The following NLRP5 variants were observed in gnomAD, a reference collection of about 807,000 sequenced individuals.
NLRP5 encodes NLR family pyrin domain containing 5, also known as NACHT, LRR and PYD domains-containing protein 5.
In NLRP5, 93 loss-of-function variants were observed where a neutral mutation model predicts 113.1. The observed-to-expected ratio is 0.82, with a 90% confidence interval of 0.70 to 0.98. The LOEUF (loss-of-function observed/expected upper bound fraction) is 0.98, where lower values mean the gene tolerates loss of function less well. Among genes scored for constraint, NLRP5 ranks in the 50% least tolerant of loss-of-function variants. The pLI, the probability that NLRP5 is intolerant of heterozygous loss-of-function variation, is 0.00. For missense variants in NLRP5, 1,808 were observed against 1,514.3 expected, an observed-to-expected ratio of 1.19 and a Z score of -3.22; for synonymous variants, 751 against 600.7, an observed-to-expected ratio of 1.25 and a Z score of -3.66.
At chr19:56,009,393 G>A (rs1050733414) in intron 3 of NLRP5, among the ~76,000 whole-genome samples, 1 of 142,476 alleles carries the variant, frequency 7.0e-6, no homozygotes, top group Non-Finnish European at 1.5e-5. Context: ...CTTACAACTT[G>A]AGGACTTCCC....
At chr19:56,036,387 C>T (rs764835469) in intron 9 of NLRP5, among the ~76,000 whole-genome samples, 12 of 151,820 alleles carry the variant, frequency 7.9e-5, no homozygotes, top group African/African-American at 2.2e-4. Flanking sequence ...CATTCAATAA[C>T]GACAGATGCT....
intron 13 of NLRP5, among the ~76,000 whole-genome samples, chr19:56,055,806 A>AAG (rs2123343114): frequency 6.6e-6 from 1 of 151,818 alleles, no homozygotes; most frequent in African/African-American, 2.4e-5. Context: ...TGGCCTCCCA[A>AAG]AGTGCTGGGA....
rs376327439 is a variant in NLRP5 at position 56,061,656 on chromosome 19, C to A, written c.*128C>A. On this transcript the variant is annotated 3_prime_UTR_variant, in exon 15 of 15. Transcript: ENST00000390649. ...AGAATGATTTCTGATTCTCACAAAGCCCTCAATGGTAGTGATTCTTCTGTG... is the reference window on the plus strand; with the variant it reads ...AGAATGATTTCTGATTCTCACAAAGACCTCAATGGTAGTGATTCTTCTGTG... 20 of 1,057,898 alleles carry A rather than the reference C, an allele frequency of 1.9e-5. No homozygotes were observed. In the East Asian group the frequency reaches 1.9e-4, roughly 10 times the overall value. 65.5% of individuals were successfully genotyped at this position (1,057,898 alleles called of 1,614,324 possible). A position where few individuals can be genotyped will look rare whatever the true frequency, so the allele number is the denominator to read the frequency against.
intron 13 of NLRP5, 54 bp from the exon 14 acceptor site, chr19:56,058,186 G>A (rs1984226241): frequency 2.2e-6 from 3 of 1,339,526 alleles, no homozygotes; most frequent in Non-Finnish European, 3.1e-6. Flanking sequence ...CGGGTTGAAT[G>A]AAGGGTCCAT....
chr19:55,988,015 C>T, the NLRP5 span: 6 of 883,114 alleles, frequency 6.8e-6, no homozygotes, highest in East Asian at 2.6e-5. Flanking sequence ...CGTACTTTCC[C>T]CTGAAACAGA....
chr19:56,058,543 C>G (rs1984242759), intron 14 of NLRP5, 133 bp downstream of exon 14: 9 of 730,070 alleles, frequency 1.2e-5, no homozygotes, highest in Non-Finnish European at 2.0e-5. Flanking sequence ...TTGGTGAGTG[C>G]CCACTACGTT....
intron 10 of NLRP5, among the ~76,000 whole-genome samples, chr19:56,039,472 C>G (rs16986902): frequency 0.039 from 5,879 of 152,212 alleles, 205 homozygotes; most frequent in East Asian, 0.19. Context: ...AGGGTGACAT[C>G]TGAGCTCTCG....
At chr19:56,004,349 G>C (rs1365595419) in intron 2 of NLRP5, among the ~76,000 whole-genome samples, 1 of 152,112 alleles carries the variant, frequency 6.6e-6, no homozygotes, top group Non-Finnish European at 1.5e-5. Context: ...AATAGGATTT[G>C]GGTTGTAAGT....
Position 56,009,339 on chromosome 19 carries a change from C to CAAAAAAAACAAAAAAAA in NLRP5, c.508+494_508+495insCAAAAAAAAAAAAAAAA, listed in dbSNP as rs1982088338. On this transcript the variant is annotated intron_variant, in intron 3 of 14. Coordinates refer to ENST00000390649, the MANE Select transcript of NLRP5 (RefSeq NM_153447.4). Reference sequence around the variant, plus strand: ...TGGGCGACAGAACGAGACTCCATCTCAAAAAAAAAAAAAAAAAAAAGAGTT... The same window carrying CAAAAAAAACAAAAAAAA: ...TGGGCGACAGAACGAGACTCCATCTCAAAAAAAACAAAAAAAAAAAAAAAAAAAAAAAAAAAAGAGTT... Among the ~76,000 whole-genome samples, 7 of 44,318 alleles carry CAAAAAAAACAAAAAAAA rather than the reference C, an allele frequency of 1.6e-4. 2 individuals are homozygous for CAAAAAAAACAAAAAAAA. The highest frequency in any genetic ancestry group is 2.7e-4 in the Non-Finnish European group (7 of 25,914). 29.1% of individuals were successfully genotyped at this position (44,318 alleles called of 152,430 possible). A position where few individuals can be genotyped will look rare whatever the true frequency, so the allele number is the denominator to read the frequency against.
chr19:56,021,002 T>TAGCTGGGATTAC (rs1384591659), intron 6 of NLRP5, among the ~76,000 whole-genome samples: 3 of 151,758 alleles, frequency 2.0e-5, no homozygotes, highest in Admixed American at 2.0e-4. Flanking sequence ...GCCTCCCGAG[T>TAGCTGGGATTAC]AGCTGGGATT....
intron 10 of NLRP5, among the ~76,000 whole-genome samples, chr19:56,040,442 C>T (rs1160318416): frequency 6.6e-6 from 1 of 152,116 alleles, no homozygotes; most frequent in African/African-American, 2.4e-5. Context: ...GTGGTGCATG[C>T]CTATGATCCC....
chr19:56,005,649 C>CGCGCGT (rs59167371), intron 2 of NLRP5, among the ~76,000 whole-genome samples: 6 of 151,618 alleles, frequency 4.0e-5, no homozygotes, highest in Non-Finnish European at 7.4e-5. Context: ...CACACGCGCG[C>CGCGCGT]AGGTGGCATG....
At chr19:56,053,855 G>A in intron 13 of NLRP5, 47 bp downstream of exon 13, 1 of 1,581,492 alleles carries the variant, frequency 6.3e-7, no homozygotes, top group Non-Finnish European at 8.7e-7. Context: ...GGAGGAGGTG[G>A]GGGACCCCAG....
chr19:56,032,532 C>T, intron 7 of NLRP5, 79 bp from the exon 8 acceptor site: 1 of 1,355,222 alleles, frequency 7.4e-7, no homozygotes, highest in Non-Finnish European at 1.0e-6. Flanking sequence ...AGCTCGGTCC[C>T]TCTCCTCCGA....
intron 2 of NLRP5, among the ~76,000 whole-genome samples, chr19:56,005,354 T>C (rs189506995): frequency 0.017 from 2,327 of 135,934 alleles, 80 homozygotes; most frequent in African/African-American, 0.059. Flanking sequence ...CATACACATA[T>C]ATTTTTATAT....
intron 6 of NLRP5, among the ~76,000 whole-genome samples, chr19:56,026,482 TG>T (rs1359483869): frequency 5.1e-5 from 6 of 116,660 alleles, no homozygotes; most frequent in Non-Finnish European, 8.3e-5. Context: ...GAGCTGAGAT[TG>T]CGCCACTGCA....
chr19:56,051,157 CACTTAATGCA>C (rs1168673802), intron 12 of NLRP5, among the ~76,000 whole-genome samples: 1 of 152,106 alleles, frequency 6.6e-6, no homozygotes, highest in African/African-American at 2.4e-5. Context: ...TAGTAGTCAG[CACTTAATGCA>C]ACTTAATGCG....
In NLRP5 at chr19:56,003,862, A is replaced by C. The variant is rs143801460; in HGVS notation, c.209A>C (p.Tyr70Ser). Residue 70 changes from tyrosine to serine, a missense_variant, in exon 2 of 15, where the codon TAT becomes TCT. By Grantham distance (144) the Tyr-to-Ser change is moderately radical. Transcript: ENST00000390649. ...AGCTACGGGCTGCAATGGTGTCTCT[A>C]TGAGCTAGACAAGGAAGAATTTCAG... is the stretch of plus-strand genomic sequence containing the variant. The C allele has an allele frequency of 1.9e-6, 3 of 1,613,888 alleles. No homozygotes were observed. Among genetic ancestry groups the C allele is most frequent in the Admixed American group, 3.3e-5 (2 of 59,982 alleles).
Position 56,050,464 on chromosome 19 carries a change from C to T in NLRP5, c.3004C>T (p.Leu1002Phe), listed in dbSNP as rs371646653. 2.5e-6 allele frequency: 4 copies of T among 1,613,748 alleles called. No homozygotes were observed. The African/African-American group carries it at 4.0e-5, about 16-fold the overall frequency. The stretch of plus-strand genomic sequence containing the variant: ...CACGGCTGGCTGTGGTTTTCTTGCA[C>T]TTGCGCTTATGGGTAACTCATGGCT... The change falls in exon 12 of 15, where the codon CTT (leucine) becomes TTT (phenylalanine). Residue 1002 changes from leucine (L) to phenylalanine (F), a missense_variant. Coordinates refer to ENST00000390649, the MANE Select transcript of NLRP5 (RefSeq NM_153447.4).
Sources: gnomAD v4.1 joint callset for allele counts (sites outside exome capture counted in the v4.1 genomes callset) on GRCh38, gnomAD v4.1.1 for gene constraint, MANE v1.5 for transcripts, NCBI Gene and HGNC (gene_info 2026-07-23, HGNC 2026-07-21) for gene names.